Variants in C12orf54 observed in about 807,000 individuals in gnomAD.
C12orf54 encodes chromosome 12 open reading frame 54.
Under a neutral mutation model 26.4 loss-of-function variants are expected in C12orf54, and 24 were observed. That is an observed-to-expected ratio of 0.91 (90% CI 0.66 to 1.28). The LOEUF is 1.28. Among genes scored for constraint, C12orf54 ranks in the 50% most tolerant of loss-of-function variants. The pLI is 0.00. For synonymous variants in C12orf54, 54 were observed against 47.0 expected, an observed-to-expected ratio of 1.15 and a Z score of -0.61; for missense variants, 154 against 150.9, an observed-to-expected ratio of 1.02 and a Z score of -0.11.
chr12:48,477,020 A>T, the C12orf54 span, among the ~76,000 whole-genome samples: 3 of 152,238 alleles, frequency 2.0e-5, no homozygotes, highest in African/African-American at 7.2e-5. Context: ...AGCAAATGTA[A>T]AAGAACAGAA....
At chr12:48,487,421 T>C (rs189758847) in intron 4 of C12orf54, among the ~76,000 whole-genome samples, 3 of 152,332 alleles carry the variant, frequency 2.0e-5, no homozygotes, top group East Asian at 3.9e-4. Flanking sequence ...CACTGTACAA[T>C]ATTATTTAAA....
At chr12:48,419,429 G>A in the C12orf54 span, among the ~76,000 whole-genome samples, 4 of 152,080 alleles carry the variant, frequency 2.6e-5, no homozygotes, top group African/African-American at 4.8e-5. Flanking sequence ...GCAGTGATCC[G>A]CACAATTAAC....
chr12:48,439,697 TGA>T, the C12orf54 span, among the ~76,000 whole-genome samples: 1 of 151,898 alleles, frequency 6.6e-6, no homozygotes, highest in Admixed American at 6.5e-5. Flanking sequence ...AATTGAACAA[TGA>T]GAACACATGG....
At chr12:48,466,189 A>G in the C12orf54 span, among the ~76,000 whole-genome samples, 4 of 152,236 alleles carry the variant, frequency 2.6e-5, no homozygotes, top group African/African-American at 9.6e-5. Context: ...ATCTATTATT[A>G]TAATACAAGA....
chr12:48,457,252 T>C, the C12orf54 span, among the ~76,000 whole-genome samples: 1 of 151,006 alleles, frequency 6.6e-6, no homozygotes, highest in Non-Finnish European at 1.5e-5. Context: ...TGGTGCCAAA[T>C]GAATGCAACA....
the C12orf54 span, among the ~76,000 whole-genome samples, chr12:48,415,039 C>A: frequency 6.6e-6 from 1 of 152,202 alleles, no homozygotes; most frequent in East Asian, 1.9e-4. Context: ...TCAGCATCTC[C>A]AGTAAGTGTC....
chr12:48,483,412 T>C (rs771780666), intron 2 of C12orf54, 51 bp downstream of exon 2: 3 of 1,561,708 alleles, frequency 1.9e-6, no homozygotes, highest in Admixed American at 1.7e-5. Context: ...CTATACTCTA[T>C]GGGAGAAGAA....
the C12orf54 span, among the ~76,000 whole-genome samples, chr12:48,460,055 A>T: frequency 6.6e-6 from 1 of 152,070 alleles, no homozygotes. Context: ...GTACAAAAAC[A>T]CTCTTATCAG....
chr12:48,433,760 T>A, the C12orf54 span, among the ~76,000 whole-genome samples: 4 of 152,102 alleles, frequency 2.6e-5, no homozygotes, highest in African/African-American at 9.7e-5. Context: ...CAGAAGCTTT[T>A]AAAAATATTC....
chr12:48,467,724 T>C, the C12orf54 span, among the ~76,000 whole-genome samples: 3 of 152,162 alleles, frequency 2.0e-5, no homozygotes, highest in Admixed American at 6.6e-5. Context: ...TTTCATTATC[T>C]TGTTTCTGTT....
At chr12:48,474,746 G>A in the C12orf54 span, among the ~76,000 whole-genome samples, 4 of 152,242 alleles carry the variant, frequency 2.6e-5, no homozygotes, top group East Asian at 1.9e-4. Context: ...CAAAGCAGCC[G>A]GGAAGCACGA....
chr12:48,440,233 AAAAG>A, the C12orf54 span, among the ~76,000 whole-genome samples: 148 of 152,334 alleles, frequency 9.7e-4, no homozygotes, highest in African/African-American at 3.5e-3. Flanking sequence ...TCAAAAAAAA[AAAAG>A]AAAGTATTCT....
chr12:48,488,495 A>AAAC (rs67325885), intron 4 of C12orf54: 19,672 of 333,010 alleles, frequency 0.059, 703 homozygotes, highest in Non-Finnish European at 0.072. Flanking sequence ...AAAAAAAAAA[A>AAAC]GAAAGAAAGA....
chr12:48,450,870 G>A, the C12orf54 span, among the ~76,000 whole-genome samples: 1 of 152,010 alleles, frequency 6.6e-6, no homozygotes, highest in East Asian at 1.9e-4. Context: ...AAGACCAGAC[G>A]AATTCACAGC....
At chr12:48,495,336 T>C (rs1348481350) in intron 8 of C12orf54, among the ~76,000 whole-genome samples, 2 of 152,060 alleles carry the variant, frequency 1.3e-5, no homozygotes, top group Admixed American at 1.3e-4. Context: ...TAAAATACAT[T>C]AATAAATGTG....
chr12:48,430,845 C>T, the C12orf54 span, among the ~76,000 whole-genome samples: 17 of 152,302 alleles, frequency 1.1e-4, 1 homozygote, highest in African/African-American at 3.6e-4. Flanking sequence ...GATACTTGCA[C>T]ATGCATGCTT....
At chr12:48,473,044 A>T in the C12orf54 span, 265 of 1,614,120 alleles carry the variant, frequency 1.6e-4, 4 homozygotes, top group African/African-American at 2.3e-3. Flanking sequence ...GAGGTAACCA[A>T]CCTGAACAAC....
At chr12:48,413,169 T>G in the C12orf54 span, among the ~76,000 whole-genome samples, 1 of 152,252 alleles carries the variant, frequency 6.6e-6, no homozygotes, top group Admixed American at 6.5e-5. Context: ...TCTACTTTTT[T>G]GCTTCAAATT....
the C12orf54 span, among the ~76,000 whole-genome samples, chr12:48,470,210 C>T: frequency 6.6e-6 from 1 of 152,284 alleles, no homozygotes; most frequent in African/African-American, 2.4e-5. Flanking sequence ...GGTAGATACC[C>T]AGTAATGGAA....
Sources: allele counts gnomAD v4.1 joint callset (sites outside exome capture counted in the v4.1 genomes callset), GRCh38; gene constraint gnomAD v4.1.1; transcripts MANE v1.5; gene names NCBI Gene and HGNC (gene_info 2026-07-23, HGNC 2026-07-21).